Variants in CNTN4 observed in about 807,000 individuals in gnomAD.
The protein encoded by CNTN4 is contactin 4.
Under a neutral mutation model 122.5 loss-of-function variants are expected in CNTN4, and 77 were observed. That is an observed-to-expected ratio of 0.63 (90% CI 0.52 to 0.76). The LOEUF (loss-of-function observed/expected upper bound fraction) is 0.76, where lower values mean the gene tolerates loss of function less well. CNTN4 is among the 30% of genes least tolerant of loss of function. The probability of loss-of-function intolerance (pLI) is 0.00; values close to 1 mark genes in which losing one functional copy is unlikely to be tolerated. For missense variants in CNTN4, 1,256 were observed against 1,259.1 expected (o/e 1.00, Z 0.04); for synonymous variants, 512 against 447.0 (o/e 1.15, Z -1.83).
At chr3:2,367,450 G>A (rs2045436269) in intron 3 of CNTN4, among the ~76,000 whole-genome samples, 1 of 152,196 alleles carries the variant, frequency 6.6e-6, no homozygotes, top group Non-Finnish European at 1.5e-5. Context: ...TAGTTACGGT[G>A]TACAGTGGAT....
In CNTN4 at chr3:2,709,830, G is replaced by A. The variant is rs569555759; in HGVS notation, c.56-26385G>A. 1.5e-3 allele frequency among the ~76,000 whole-genome samples: 230 copies of A among 152,086 alleles called. No individual in the cohort carries two copies. The highest frequency in any genetic ancestry group is 4.1e-3 in the African/African-American group (171 of 41,518). ...TTGGGAGGCTGAGCCAGGAGAGCCCGGGAGTCCAGCAGTGAGCTGAGACTG... is the reference window on the plus strand; with the variant it reads ...TTGGGAGGCTGAGCCAGGAGAGCCCAGGAGTCCAGCAGTGAGCTGAGACTG... On this transcript the variant is annotated intron_variant, in intron 4 of 24. Coordinates refer to ENST00000418658, the MANE Select transcript of CNTN4 (RefSeq NM_175607.3). The surrounding 1 kb of genome is among the most constrained non-coding windows in gnomAD (Gnocchi z 5.0).
intron 7 of CNTN4, among the ~76,000 whole-genome samples, chr3:2,824,774 C>T (rs2092952029): frequency 6.6e-6 from 1 of 152,016 alleles, no homozygotes; most frequent in Admixed American, 6.6e-5. Flanking sequence ...CTGATTCTCC[C>T]ACCTCAGCCT....
At chr3:2,399,248 C>G (rs1421025596) in intron 3 of CNTN4, among the ~76,000 whole-genome samples, 1 of 152,064 alleles carries the variant, frequency 6.6e-6, no homozygotes, top group Non-Finnish European at 1.5e-5. Flanking sequence ...TATCACCAGC[C>G]ATGGTAAGCC....
At chr3:2,935,983 A>G (rs895045148) in intron 13 of CNTN4, among the ~76,000 whole-genome samples, 2 of 152,230 alleles carry the variant, frequency 1.3e-5, no homozygotes, top group African/African-American at 4.8e-5. Context: ...AGGAAAGTAG[A>G]GTGAAAGGTT....
At chr3:2,534,568 C>G (rs1395092238) in intron 3 of CNTN4, among the ~76,000 whole-genome samples, 1 of 151,966 alleles carries the variant, frequency 6.6e-6, no homozygotes, top group Non-Finnish European at 1.5e-5. Flanking sequence ...GAGCGGAGAT[C>G]TTAGCCATGT....
At chr3:3,020,750 T>C (rs1375662650) in intron 14 of CNTN4, among the ~76,000 whole-genome samples, 1 of 152,238 alleles carries the variant, frequency 6.6e-6, no homozygotes, top group Non-Finnish European at 1.5e-5. Flanking sequence ...AAAATAACCT[T>C]AGCTTATCTT....
chr3:2,625,732 AC>A (rs1274182223), intron 4 of CNTN4, among the ~76,000 whole-genome samples: 2 of 152,226 alleles, frequency 1.3e-5, no homozygotes, highest in Non-Finnish European at 2.9e-5. Flanking sequence ...CTATCCACTT[AC>A]TATTGATATC....
chr3:2,417,820 A>T (rs1475631479), intron 3 of CNTN4, among the ~76,000 whole-genome samples: 1 of 152,246 alleles, frequency 6.6e-6, no homozygotes, highest in Non-Finnish European at 1.5e-5. Context: ...ATGAGCTATC[A>T]AGCCATGAAA....
intron 3 of CNTN4, among the ~76,000 whole-genome samples, chr3:2,471,587 T>G (rs1472559947): frequency 6.6e-6 from 1 of 152,234 alleles, no homozygotes; most frequent in Non-Finnish European, 1.5e-5. Flanking sequence ...TTTAATCTTA[T>G]GATTGTCCTC....
chr3:3,056,376 C>T lies in CNTN4; in HGVS notation c.*156C>T, dbSNP rs1574958041. On this transcript the variant is annotated 3_prime_UTR_variant, in exon 25 of 25. Coordinates refer to ENST00000418658, the MANE Select transcript of CNTN4 (RefSeq NM_175607.3). ...TCTTTAGGAATGGCATTATACAGTA[C>T]TTCCTCAAAGCAAATCTAGCTTTGT... The T allele has an allele frequency of 1.6e-6, 1 of 632,002 alleles. No homozygotes were observed. The highest frequency in any genetic ancestry group is 2.8e-6 in the Non-Finnish European group (1 of 353,484). The allele number at this position is 632,002 out of a possible 1,614,324, so 39.1% of individuals were successfully genotyped here. A position where few individuals can be genotyped will look rare whatever the true frequency, so the allele number is the denominator to read the frequency against.
At chr3:2,394,764 C>G (rs1559515106) in intron 3 of CNTN4, among the ~76,000 whole-genome samples, 1 of 148,126 alleles carries the variant, frequency 6.8e-6, no homozygotes. Flanking sequence ...GAAAACATGT[C>G]TACAACAAAC....
chr3:2,918,515 G>C lies in CNTN4; in HGVS notation c.1208-7114G>C, dbSNP rs2094393611. On this transcript the variant is annotated intron_variant, in intron 12 of 24. Coordinates refer to ENST00000418658, the MANE Select transcript of CNTN4 (RefSeq NM_175607.3). ...GAAAGGCGGTTAGCTGCTAGAGCTA[G>C]CTCAGCAGCAGGAGCTCATTCTATG... 2.0e-5 allele frequency among the ~76,000 whole-genome samples: 3 copies of C among 152,178 alleles called. No homozygotes were observed. In the South Asian group the frequency reaches 6.2e-4, roughly 32 times the overall value.
At chr3:2,337,091 G>A (rs186297449) in intron 2 of CNTN4, among the ~76,000 whole-genome samples, 1 of 152,108 alleles carries the variant, frequency 6.6e-6, no homozygotes, top group African/African-American at 2.4e-5. Context: ...GGCCTTCTTG[G>A]GGTCAGTCCC....
intron 3 of CNTN4, among the ~76,000 whole-genome samples, chr3:2,377,109 T>C (rs1378826395): frequency 6.7e-6 from 1 of 149,430 alleles, no homozygotes; most frequent in Non-Finnish European, 1.5e-5. Flanking sequence ...TGAGCCGAGA[T>C]TGCGCCACTG....
chr3:2,706,049 C>CAT (rs1163078101), intron 4 of CNTN4, among the ~76,000 whole-genome samples: 156 of 141,742 alleles, frequency 1.1e-3, no homozygotes, highest in Non-Finnish European at 1.4e-3. Flanking sequence ...GACACACAAA[C>CAT]ATATATATAT....
At chr3:2,248,324 C>T (rs947527945) in intron 2 of CNTN4, among the ~76,000 whole-genome samples, 2 of 151,846 alleles carry the variant, frequency 1.3e-5, no homozygotes, top group African/African-American at 4.8e-5. Flanking sequence ...ATGTAAGTAA[C>T]ATAGACAACA....
intron 3 of CNTN4, among the ~76,000 whole-genome samples, chr3:2,543,912 G>A (rs1323846269): frequency 6.6e-6 from 1 of 152,034 alleles, no homozygotes; most frequent in Non-Finnish European, 1.5e-5. Context: ...ATTCAATCAA[G>A]AGCTATCTTG....
intron 14 of CNTN4, among the ~76,000 whole-genome samples, chr3:2,996,945 T>A (rs568831680): frequency 4.6e-5 from 7 of 152,328 alleles, no homozygotes; most frequent in Admixed American, 2.0e-4. Context: ...TTGAAATACA[T>A]AAATAAAAAT....
chr3:3,006,681 A>T (rs777597764), intron 14 of CNTN4, among the ~76,000 whole-genome samples: 11 of 152,194 alleles, frequency 7.2e-5, no homozygotes, highest in Non-Finnish European at 1.5e-4. Flanking sequence ...AGAGGTCGTC[A>T]ATGGGGCATA....
Sources: allele counts gnomAD v4.1 joint callset (sites outside exome capture counted in the v4.1 genomes callset), GRCh38; gene constraint gnomAD v4.1.1; non-coding constraint Gnocchi (gnomAD v3.1); transcripts MANE v1.5; gene names NCBI Gene and HGNC (gene_info 2026-07-23, HGNC 2026-07-21).